Variants in YIPF4 observed in about 807,000 individuals in gnomAD.
YIPF4 encodes protein YIPF4.
YIPF4 carries 18 observed loss-of-function variants against 29.4 expected under a neutral mutation model. That is an observed-to-expected ratio of 0.61 (90% CI 0.42 to 0.91). The LOEUF is 0.91. YIPF4 is among the 40% of genes least tolerant of loss of function. YIPF4 has a pLI of 0.00. For synonymous variants in YIPF4, 115 were observed against 104.7 expected, an observed-to-expected ratio of 1.10 and a Z score of -0.60; for missense variants, 279 against 282.7, an observed-to-expected ratio of 0.99 and a Z score of 0.09.
intron 3 of YIPF4, among the ~76,000 whole-genome samples, chr2:32,297,308 A>G (rs2031230382): frequency 2.0e-5 from 3 of 151,314 alleles, no homozygotes; most frequent in South Asian, 4.2e-4. Flanking sequence ...ATTTTTTTTT[A>G]CAGGGTTTCT....
chr2:32,279,438 C>T (rs2030282036), intron 1 of YIPF4, among the ~76,000 whole-genome samples: 1 of 136,488 alleles, frequency 7.3e-6, no homozygotes, highest in Admixed American at 7.9e-5. Flanking sequence ...CGCTCTGTCG[C>T]CCAGGCTGGA....
At chr2:32,298,346 T>G (rs770587070) in intron 4 of YIPF4, 35 bp downstream of exon 4, 1 of 1,520,848 alleles carries the variant, frequency 6.6e-7, no homozygotes, top group Non-Finnish European at 9.1e-7. Context: ...TCTTCCTTAT[T>G]TATGGTGAGC....
Position 32,291,245 on chromosome 2 carries a change from C to G in YIPF4, c.233+609C>G, listed in dbSNP as rs528513524. Reference sequence around the variant, plus strand: ...CCTGTGTTTCTTCATGTTAATACACCATATATCGGCCAGGCATAGTGGCCC... The same window carrying G: ...CCTGTGTTTCTTCATGTTAATACACGATATATCGGCCAGGCATAGTGGCCC... On this transcript the variant is annotated intron_variant, in intron 2 of 5. Transcript: ENST00000238831. Among the ~76,000 whole-genome samples the G allele has an allele frequency of 1.7e-3, 257 of 152,234 alleles. 1 individual carries two copies. Among genetic ancestry groups the G allele is most frequent in the African/African-American group, 6.0e-3 (249 of 41,536 alleles).
At chr2:32,299,970 TA>T (rs1238733148) in intron 4 of YIPF4, among the ~76,000 whole-genome samples, 1 of 151,492 alleles carries the variant, frequency 6.6e-6, no homozygotes, top group Non-Finnish European at 1.5e-5. Context: ...CCGTCTCTAC[TA>T]AAAATACAAA....
chr2:32,305,806 T>C lies in YIPF4; in HGVS notation c.*180T>C. Reference sequence around the variant, plus strand: ...GTATTTAATTAAGCAATTGCAGTTATCTGGGATTTTTGGGTCAGAATTTTA... The same window carrying C: ...GTATTTAATTAAGCAATTGCAGTTACCTGGGATTTTTGGGTCAGAATTTTA... On this transcript the variant is annotated 3_prime_UTR_variant, in exon 6 of 6. Coordinates refer to ENST00000238831, the MANE Select transcript of YIPF4 (RefSeq NM_032312.4). The C allele has an allele frequency of 8.2e-7, 1 of 1,224,792 alleles. No individual in the cohort carries two copies. Among genetic ancestry groups the C allele is most frequent in the Non-Finnish European group, 1.0e-6 (1 of 983,718 alleles). The allele number at this position is 1,224,792 out of a possible 1,614,324, so 75.9% of individuals were successfully genotyped here.
chr2:32,290,164 G>T (rs1215011976), intron 1 of YIPF4, among the ~76,000 whole-genome samples: 1 of 152,152 alleles, frequency 6.6e-6, no homozygotes, highest in Non-Finnish European at 1.5e-5. Flanking sequence ...ATGATGTCAT[G>T]TAATGTATTT....
chr2:32,283,651 AC>A (rs1396305708), intron 1 of YIPF4, among the ~76,000 whole-genome samples: 2 of 152,010 alleles, frequency 1.3e-5, no homozygotes, highest in African/African-American at 4.8e-5. Context: ...CTATCATAGA[AC>A]CCATGGTATA....
intron 1 of YIPF4, among the ~76,000 whole-genome samples, chr2:32,284,189 C>T (rs1558473847): frequency 6.6e-6 from 1 of 152,148 alleles, no homozygotes; most frequent in African/African-American, 2.4e-5. Flanking sequence ...CCCAAATAGT[C>T]TCTCCTTTCA....
At chr2:32,288,898 CAG>C (rs2030796618) in intron 1 of YIPF4, among the ~76,000 whole-genome samples, 1 of 151,812 alleles carries the variant, frequency 6.6e-6, no homozygotes. Context: ...ACCTAGGAGA[CAG>C]AGGTTGCGGT....
At chr2:32,280,008 C>G (rs564457825) in intron 1 of YIPF4, among the ~76,000 whole-genome samples, 1 of 149,434 alleles carries the variant, frequency 6.7e-6, no homozygotes, top group Non-Finnish European at 1.5e-5. Context: ...GTGATCCTCC[C>G]GCTTCAGTCT....
intron 1 of YIPF4, among the ~76,000 whole-genome samples, chr2:32,283,549 A>G (rs749958869): frequency 6.6e-6 from 1 of 152,162 alleles, no homozygotes; most frequent in Non-Finnish European, 1.5e-5. Context: ...GTTAAAACCT[A>G]AGACTGAACT....
Position 32,305,709 on chromosome 2 carries a change from C to A in YIPF4, c.*83C>A. ...TCTTGCTGAAGGAATTGGAGAAAAC[C>A]TGTTGCTGCAAAATTTTACATGTTC... On this transcript the variant is annotated 3_prime_UTR_variant, in exon 6 of 6. Transcript: ENST00000238831. 7.6e-7 allele frequency: 1 copy of A among 1,320,910 alleles called. No individual in the cohort carries two copies. Among genetic ancestry groups the A allele is most frequent in the Non-Finnish European group, 9.7e-7 (1 of 1,033,202 alleles). The allele number at this position is 1,320,910 out of a possible 1,614,324, so 81.8% of individuals were successfully genotyped here. A position where few individuals can be genotyped will look rare whatever the true frequency, so the allele number is the denominator to read the frequency against.
chr2:32,281,423 G>A (rs1049242294), intron 1 of YIPF4, among the ~76,000 whole-genome samples: 1 of 151,880 alleles, frequency 6.6e-6, no homozygotes, highest in African/African-American at 2.4e-5. Context: ...TGTATTTTTT[G>A]TAGAGACAGG....
At chr2:32,291,861 TACTTA>T (rs1465443213) in intron 2 of YIPF4, among the ~76,000 whole-genome samples, 1 of 152,148 alleles carries the variant, frequency 6.6e-6, no homozygotes, top group Non-Finnish European at 1.5e-5. Context: ...CAGAAAATTT[TACTTA>T]AAGTTTTCTT....
At chr2:32,298,189 C>T (rs371267939) in intron 3 of YIPF4, 45 bp from the exon 4 acceptor site, 20 of 1,417,918 alleles carry the variant, frequency 1.4e-5, no homozygotes, top group Non-Finnish European at 1.9e-5. Context: ...AAATTATCAT[C>T]TTATTTGGTA....
rs1381946079 is a variant in YIPF4 at position 32,315,959 on chromosome 2, T to C, written c.*10333T>C. 3 of 141,214 alleles carry C rather than the reference T, an allele frequency of 2.1e-5. No homozygotes were observed. Among genetic ancestry groups the C allele is most frequent in the Admixed American group, 7.7e-5 (1 of 13,070 alleles). 8.7% of individuals were successfully genotyped at this position (141,214 alleles called of 1,614,324 possible). A position where few individuals can be genotyped will look rare whatever the true frequency, so the allele number is the denominator to read the frequency against. ...CTCAGGGAGGCAAGAGGCAGGAGCATAGCTTGAGCCCAGGCGTTCAAGACC... is the reference window on the plus strand; with the variant it reads ...CTCAGGGAGGCAAGAGGCAGGAGCACAGCTTGAGCCCAGGCGTTCAAGACC... On this transcript the variant is annotated 3_prime_UTR_variant, in exon 6 of 6. Coordinates refer to ENST00000238831, the MANE Select transcript of YIPF4 (RefSeq NM_032312.4).
Position 32,305,510 on chromosome 2 carries a change from G to A in YIPF4, c.619G>A (p.Ala207Thr). The A allele has an allele frequency of 6.2e-7, 1 of 1,600,830 alleles. No homozygotes were observed. The highest frequency in any genetic ancestry group is 8.5e-7 in the Non-Finnish European group (1 of 1,173,708). Residue 207 changes from alanine to threonine, a missense_variant, in exon 6 of 6, where the codon GCC (alanine) becomes ACC (threonine). Coordinates refer to ENST00000238831, the MANE Select transcript of YIPF4 (RefSeq NM_032312.4). ...LIKLFGVFWA[A>T]YSAASLLVGE... ...AAAGCTGTTTGGTGTGTTTTGGGCT[G>A]CCTACAGTGCTGCTTCATTGTTAGT...
intron 3 of YIPF4, among the ~76,000 whole-genome samples, chr2:32,293,141 A>G (rs1424115237): frequency 6.6e-6 from 1 of 151,040 alleles, no homozygotes; most frequent in African/African-American, 2.4e-5. Flanking sequence ...TGGCAGGGTC[A>G]TAGGACAATA....
chr2:32,292,185 T>C lies in YIPF4; in HGVS notation c.242T>C (p.Leu81Ser). 1 of 1,489,640 alleles carries C rather than the reference T, an allele frequency of 6.7e-7. No individual in the cohort carries two copies. The highest frequency in any genetic ancestry group is 1.8e-4 in the Middle Eastern group (1 of 5,532). 92.3% of individuals were successfully genotyped at this position (1,489,640 alleles called of 1,614,324 possible). The change falls in exon 3 of 6, where the codon TTG becomes TCG. Residue 81 changes from leucine to serine, a missense_variant. By Grantham distance (145) the Leu-to-Ser change is moderately radical. Transcript: ENST00000238831. ...TTATTTTAAAATTATAGGGAAGAAT[T>C]GGACATTGATCTAAAGGATATTTAC... ...PEDNKPLLEE[L>S]DIDLKDIYYK...
Sources: allele counts gnomAD v4.1 joint callset (sites outside exome capture counted in the v4.1 genomes callset), GRCh38; gene constraint gnomAD v4.1.1; transcripts MANE v1.5; gene names NCBI Gene and HGNC (gene_info 2026-07-23, HGNC 2026-07-21).